MNDA: variants seen among roughly 807,000 people sequenced by gnomAD.
MNDA encodes myeloid cell nuclear differentiation antigen.
In MNDA, 43 loss-of-function variants were observed where a neutral mutation model predicts 37.8. The ratio of observed to expected loss-of-function variants is 1.14; its 90% CI spans 0.89 to 1.47. MNDA has a LOEUF of 1.47. MNDA is among the 40% of genes most tolerant of loss of function. MNDA has a pLI of 0.00. For missense variants in MNDA, 536 were observed against 476.0 expected (o/e 1.13, Z -1.17); for synonymous variants, 181 against 169.0 (o/e 1.07, Z -0.55).
At chr1:158,832,975 C>T (rs1658835043) in intron 1 of MNDA, among the ~76,000 whole-genome samples, 1 of 152,068 alleles carries the variant, frequency 6.6e-6, no homozygotes, top group African/African-American at 2.4e-5. Context: ...CTTTCTTCTT[C>T]TCCTTTCTTG....
chr1:158,842,452 C>G (rs1357556080), intron 2 of MNDA, 34 bp downstream of exon 2: 5 of 1,575,922 alleles, frequency 3.2e-6, no homozygotes, highest in Non-Finnish European at 4.3e-6. Flanking sequence ...AGCTACTCTG[C>G]CTTGAGTCTC....
At position 158,845,957 on chromosome 1, in the gene MNDA, A is replaced by G; in HGVS notation, c.941A>G (p.Lys314Arg). Residue 314 changes from lysine to arginine, a missense_variant, in exon 5 of 7, where the codon AAG becomes AGG. Coordinates refer to ENST00000368141, the MANE Select transcript of MNDA (RefSeq NM_002432.3). ...ACTCCCAAGATCAGTCAACTTTACA[A>G]GCAAGCATCTGGAACAATGGTGTAT... ...NKTPKISQLYKQASGTMVYGL... is the reference protein window; with the variant it reads ...NKTPKISQLYRQASGTMVYGL... 3 of 1,614,152 alleles carry G rather than the reference A, an allele frequency of 1.9e-6. No homozygotes were observed. Among genetic ancestry groups the G allele is most frequent in the Non-Finnish European group, 2.5e-6 (3 of 1,180,000 alleles).
At chr1:158,837,682 G>T (rs1658947252) in intron 1 of MNDA, among the ~76,000 whole-genome samples, 1 of 151,548 alleles carries the variant, frequency 6.6e-6, no homozygotes, top group Admixed American at 6.6e-5. Context: ...ATTTTAATAT[G>T]CTTTTTGATT....
chr1:158,843,313 A>C lies in MNDA; in HGVS notation c.300A>C (p.Pro100=), dbSNP rs757581450. ...AKKIKTQEKA[P]VKKINQEEVG... is the part of the protein sequence containing the mutation. ...AAATTAAAACACAAGAAAAAGCTCC[A>C]GTGAAAAAAATAAACCAGGAAGAAG... Residue 100 remains proline (P), a synonymous_variant, in exon 3 of 7, where the codon CCA becomes CCC. Transcript: ENST00000368141. 6.2e-7 allele frequency: 1 copy of C among 1,611,444 alleles called. No individual in the cohort carries two copies. Among genetic ancestry groups the C allele is most frequent in the Non-Finnish European group, 8.5e-7 (1 of 1,179,056 alleles).
At chr1:158,848,465 G>T (rs954941208) in intron 6 of MNDA, among the ~76,000 whole-genome samples, 1 of 151,946 alleles carries the variant, frequency 6.6e-6, no homozygotes, top group Non-Finnish European at 1.5e-5. Flanking sequence ...GTGACATAGC[G>T]TAATGAGTTC....
At chr1:158,837,516 G>T (rs959113716) in intron 1 of MNDA, among the ~76,000 whole-genome samples, 2 of 151,542 alleles carry the variant, frequency 1.3e-5, no homozygotes, top group African/African-American at 2.4e-5. Flanking sequence ...TCCTAGTATA[G>T]CAAACTCTGC....
rs200310775 is a variant in MNDA at position 158,847,867 on chromosome 1, C to A, written c.1127C>A (p.Thr376Lys). 4 of 1,613,846 alleles carry A rather than the reference C, an allele frequency of 2.5e-6. No individual in the cohort carries two copies. Among genetic ancestry groups the A allele is most frequent in the Non-Finnish European group, 3.4e-6 (4 of 1,179,904 alleles). The part of the protein sequence containing the change: ...KLRLFCLQLR[T>K]VDRKLKLVCG... ...CGACTCTTCTGCCTTCAACTGAGAA[C>A]AGTTGACCGCAAGCTGAAACTGGTG... The change falls in exon 6 of 7, where the codon ACA becomes AAA. Residue 376 changes from threonine to lysine, a missense_variant. Transcript: ENST00000368141.
intron 4 of MNDA, among the ~76,000 whole-genome samples, chr1:158,844,484 C>G (rs764407404): frequency 2.7e-5 from 4 of 149,934 alleles, no homozygotes; most frequent in Non-Finnish European, 5.9e-5. Flanking sequence ...TCTGCTGCAA[C>G]TCAAATAGGC....
Position 158,838,845 on chromosome 1 carries a change from A to G in MNDA, c.-20-3289A>G, listed in dbSNP as rs796656894. Among the ~76,000 whole-genome samples, 7 of 152,234 alleles carry G rather than the reference A, an allele frequency of 4.6e-5. 1 individual carries two copies. Among genetic ancestry groups the G allele is most frequent in the African/African-American group, 1.7e-4 (7 of 41,538 alleles). ...TAAAAGCTAACTGATTCTTCTGCCTATTGGTGTGGGCTGAGGAACCCCTCT... is the reference window on the plus strand; with the variant it reads ...TAAAAGCTAACTGATTCTTCTGCCTGTTGGTGTGGGCTGAGGAACCCCTCT... On this transcript the variant is annotated intron_variant, in intron 1 of 6. Transcript: ENST00000368141.
intron 2 of MNDA, 200 bp downstream of exon 2, chr1:158,842,618 G>A (rs1189829078): frequency 3.3e-5 from 15 of 449,018 alleles, no homozygotes; most frequent in Non-Finnish European, 5.6e-5. Flanking sequence ...ATATTTAGAA[G>A]AATGTATTTG....
intron 4 of MNDA, 123 bp downstream of exon 4, chr1:158,844,245 T>C: frequency 9.7e-7 from 1 of 1,035,568 alleles, no homozygotes; most frequent in Non-Finnish European, 1.4e-6. Context: ...GAAAACTGTT[T>C]TCCATATTAT....
At chr1:158,837,291 T>C (rs528337367) in intron 1 of MNDA, among the ~76,000 whole-genome samples, 2 of 151,982 alleles carry the variant, frequency 1.3e-5, no homozygotes, top group South Asian at 2.1e-4. Context: ...TTCTACCTAT[T>C]ATTGAAAGTG....
At position 158,847,747 on chromosome 1, in the gene MNDA, A is replaced by G. The variant is rs2102052992; in HGVS notation, c.1007A>G (p.Asn336Ser). The stretch of plus-strand genomic sequence containing the variant: ...TTGCAGAAAAGCGTACACAAGAAGA[A>G]CACAATTTATGAAATACAGGATAAT... ...MLQKKSVHKKNTIYEIQDNTG... is the reference protein window; with the variant it reads ...MLQKKSVHKKSTIYEIQDNTG... Residue 336 changes from asparagine to serine, a missense_variant, in exon 6 of 7, where the codon AAC (asparagine) becomes AGC (serine). Transcript: ENST00000368141. 1 of 1,613,002 alleles carries G rather than the reference A, an allele frequency of 6.2e-7. No homozygotes were observed.
At chr1:158,831,776 G>A (rs857796) in intron 1 of MNDA, among the ~76,000 whole-genome samples, 152,166 of 152,282 alleles carry the variant, frequency 1, 76,025 homozygotes, top group Middle Eastern at 1. Flanking sequence ...GTCTACAGCA[G>A]GTTTTAAAAA....
Position 158,845,610 on chromosome 1 carries a change from G to T in MNDA, c.594G>T (p.Arg198=). Residue 198 remains arginine, a synonymous_variant, in exon 5 of 7, where the codon CGG becomes CGT. Transcript: ENST00000368141. ...AGAATCAGGAAACCCAGGCCCAACG[G>T]CAGGTGGATGCAAGAAGAAATGTTC... ...FTPNQETQAQ[R]QVDARRNVPQ... 1 of 1,612,810 alleles carries T rather than the reference G, an allele frequency of 6.2e-7. No individual in the cohort carries two copies. Among genetic ancestry groups the T allele is most frequent in the South Asian group, 1.1e-5 (1 of 90,918 alleles).
intron 2 of MNDA, chr1:158,842,704 G>GAA: frequency 4.4e-6 from 1 of 229,864 alleles, no homozygotes; most frequent in Non-Finnish European, 8.3e-6. Flanking sequence ...GTCAGAAAAT[G>GAA]AAAAAAAAAG....
In MNDA at chr1:158,842,320, TC is replaced by T. The variant is rs1659044012; in HGVS notation, c.169del (p.Gln57LysfsTer6). 6.2e-7 allele frequency: 1 copy of T among 1,614,046 alleles called. No individual in the cohort carries two copies. The highest frequency in any genetic ancestry group is 1.3e-5 in the African/African-American group (1 of 74,942). On this transcript the variant is annotated frameshift_variant, in exon 2 of 7. Coordinates refer to ENST00000368141, the MANE Select transcript of MNDA (RefSeq NM_002432.3). LOFTEE classifies it high-confidence loss of function. The part of the protein sequence containing the change: ...IKITDLMEKK[F>X]QGVACLDKLI... ...ATTACAGATTTGATGGAAAAAAAGT[TC>T]CAAGGCGTTGCCTGTCTAGACAAAC... is the stretch of plus-strand genomic sequence containing the variant.
intron 1 of MNDA, among the ~76,000 whole-genome samples, chr1:158,835,754 A>G (rs190146020): frequency 6.6e-6 from 1 of 151,842 alleles, no homozygotes; most frequent in Admixed American, 6.6e-5. Flanking sequence ...AATGTTAGCT[A>G]TGGTGTTTTC....
rs146746492 is a variant in MNDA, at chr1:158,841,216, T to C, written c.-20-918T>C. Among the ~76,000 whole-genome samples, 290 of 152,264 alleles carry C rather than the reference T, an allele frequency of 1.9e-3. 1 individual carries two copies. The highest frequency in any genetic ancestry group is 6.5e-3 in the African/African-American group (269 of 41,556). On this transcript the variant is annotated intron_variant, in intron 1 of 6. Coordinates refer to ENST00000368141, the MANE Select transcript of MNDA (RefSeq NM_002432.3). ...AAAAGAAAGACATATTGTGTATTTC[T>C]AGAGCATAAGGTATAAGAAATTCAA...
Sources: gnomAD v4.1 joint callset for allele counts (sites outside exome capture counted in the v4.1 genomes callset) on GRCh38, gnomAD v4.1.1 for gene constraint, MANE v1.5 for transcripts, NCBI Gene and HGNC (gene_info 2026-07-23, HGNC 2026-07-21) for gene names.